The following NRXN1 variants were observed in gnomAD, a reference collection of about 807,000 sequenced individuals.
NRXN1 encodes the protein neurexin 1.
In NRXN1, 39 loss-of-function variants were observed where a neutral mutation model predicts 150.9. The observed-to-expected ratio is 0.26, with a 90% confidence interval of 0.20 to 0.34. The LOEUF (loss-of-function observed/expected upper bound fraction) is 0.34, where lower values mean the gene tolerates loss of function less well. Ranked by LOEUF, NRXN1 falls within the 10% of genes least tolerant of loss-of-function variation. The probability of loss-of-function intolerance (pLI) is 1.00; values close to 1 mark genes in which losing one functional copy is unlikely to be tolerated. For missense variants in NRXN1, 1,815 were observed against 1,949.9 expected, an observed-to-expected ratio of 0.93 and a Z score of 1.30; for synonymous variants, 924 against 757.0, an observed-to-expected ratio of 1.22 and a Z score of -3.62.
intron 5 of NRXN1, among the ~76,000 whole-genome samples, chr2:50,687,206 C>T (rs185185811): frequency 6.6e-6 from 1 of 152,106 alleles, no homozygotes; most frequent in African/African-American, 2.4e-5. Context: ...CCTCATTTAC[C>T]TAGGCATTTC....
chr2:50,252,151 G>C (rs1477792751), intron 17 of NRXN1, among the ~76,000 whole-genome samples: 1 of 129,246 alleles, frequency 7.7e-6, no homozygotes, highest in African/African-American at 2.8e-5. Context: ...TTCTTCTAGG[G>C]TTTTTACAGT....
intron 21 of NRXN1, among the ~76,000 whole-genome samples, chr2:49,988,639 A>T (rs1461234268): frequency 2.2e-5 from 3 of 134,614 alleles, no homozygotes; most frequent in African/African-American, 8.0e-5. Flanking sequence ...AAAAAAAAAA[A>T]GCCCTGAAGC....
At chr2:50,704,437 A>T (rs940871110) in intron 5 of NRXN1, among the ~76,000 whole-genome samples, 2 of 152,016 alleles carry the variant, frequency 1.3e-5, no homozygotes, top group Admixed American at 1.3e-4. Flanking sequence ...CTATTTCAAT[A>T]TGCTGCAGGA....
intron 5 of NRXN1, among the ~76,000 whole-genome samples, chr2:50,821,220 C>T (rs1414648470): frequency 6.6e-6 from 1 of 152,072 alleles, no homozygotes; most frequent in Non-Finnish European, 1.5e-5. Flanking sequence ...CCCATGCAGC[C>T]CAGGATGGTT....
intron 10 of NRXN1, among the ~76,000 whole-genome samples, chr2:50,534,801 T>C (rs922670298): frequency 6.6e-6 from 1 of 152,178 alleles, no homozygotes; most frequent in Non-Finnish European, 1.5e-5. Flanking sequence ...GAAATAATCA[T>C]ATTCTTCTGG....
intron 5 of NRXN1, among the ~76,000 whole-genome samples, chr2:50,685,150 T>C (rs971928626): frequency 1.3e-5 from 2 of 152,224 alleles, no homozygotes; most frequent in Non-Finnish European, 2.9e-5. Context: ...ATTATTTTTA[T>C]TATTATTTCA....
chr2:50,474,683 C>CAAAAAAAAA (rs754558377), intron 15 of NRXN1, among the ~76,000 whole-genome samples: 15 of 54,990 alleles, frequency 2.7e-4, no homozygotes, highest in African/African-American at 7.4e-4. Flanking sequence ...ACAGAAATAG[C>CAAAAAAAAA]AAAAAAAAAA....
chr2:49,948,984 C>T (rs188328402), intron 21 of NRXN1, among the ~76,000 whole-genome samples: 8 of 152,110 alleles, frequency 5.3e-5, no homozygotes, highest in African/African-American at 1.7e-4. Context: ...ACATCGTAAG[C>T]ATCTCTTCTT....
intron 5 of NRXN1, among the ~76,000 whole-genome samples, chr2:50,745,831 A>G (rs887523216): frequency 2.6e-5 from 4 of 152,134 alleles, no homozygotes; most frequent in Non-Finnish European, 4.4e-5. Context: ...CCATGATTCA[A>G]TTACATCCCA....
Position 50,083,532 on chromosome 2 carries a change from T to C in NRXN1, c.3718+7791A>G, listed in dbSNP as rs555872950. Among the ~76,000 whole-genome samples, 664 of 152,018 alleles carry C rather than the reference T, an allele frequency of 4.4e-3. 6 individuals are homozygous for C. Among genetic ancestry groups the C allele is most frequent in the Admixed American group, 7.7e-3 (117 of 15,272 alleles). ...TTAAAGGCAGTGTGGACCCAAAGAGTGAGCAGCAGCAAGATTTATTGCAAA... is the reference window on the plus strand; with the variant it reads ...TTAAAGGCAGTGTGGACCCAAAGAGCGAGCAGCAGCAAGATTTATTGCAAA... On this transcript the variant is annotated intron_variant, in intron 19 of 22. Coordinates refer to ENST00000401669, the MANE Select transcript of NRXN1 (RefSeq NM_001330078.2).
intron 15 of NRXN1, 59 bp downstream of exon 15, chr2:50,495,846 C>T: frequency 6.9e-7 from 1 of 1,439,966 alleles, no homozygotes; most frequent in Non-Finnish European, 9.3e-7. Context: ...AAAGGATTTT[C>T]CATGTGAAGG....
intron 5 of NRXN1, among the ~76,000 whole-genome samples, chr2:50,899,141 A>G (rs1682507055): frequency 6.6e-6 from 1 of 152,146 alleles, no homozygotes; most frequent in East Asian, 1.9e-4. Flanking sequence ...CGATATTCTG[A>G]AGCAATAGGT....
chr2:50,166,285 G>A (rs1189539694), intron 18 of NRXN1, among the ~76,000 whole-genome samples: 2 of 103,962 alleles, frequency 1.9e-5, no homozygotes, highest in African/African-American at 4.1e-5. Context: ...ACGTATGTGT[G>A]TGTGTGTGTG....
chr2:50,342,145 G>A lies in NRXN1; in HGVS notation c.3365-105175C>T, dbSNP rs182798541. 2.0e-5 allele frequency among the ~76,000 whole-genome samples: 3 copies of A among 152,240 alleles called. No homozygotes were observed. The East Asian group carries it at 5.8e-4, about 29-fold the overall frequency. ...ACACATGCTCATAGTAGGAATTTAT[G>A]ATATATTTAGTGAATAAATGAATGC... On this transcript the variant is annotated intron_variant, in intron 17 of 22. Transcript: ENST00000401669.
At chr2:50,722,712 A>G (rs1384390959) in intron 5 of NRXN1, among the ~76,000 whole-genome samples, 6 of 152,222 alleles carry the variant, frequency 3.9e-5, no homozygotes, top group Non-Finnish European at 1.5e-5. Context: ...CATTCAATAC[A>G]GTTTAAAACT....
chr2:50,724,762 G>T (rs1445652424), intron 5 of NRXN1, among the ~76,000 whole-genome samples: 1 of 151,610 alleles, frequency 6.6e-6, no homozygotes, highest in Non-Finnish European at 1.5e-5. Flanking sequence ...GAATACATAT[G>T]TGTGTGTGTG....
chr2:50,652,942 C>T (rs981052088), intron 5 of NRXN1, among the ~76,000 whole-genome samples: 4 of 152,010 alleles, frequency 2.6e-5, no homozygotes, highest in Middle Eastern at 6.3e-3. Context: ...TGATGTTGAG[C>T]CTCTATCATT....
chr2:50,453,791 A>T (rs1481558955), intron 17 of NRXN1, among the ~76,000 whole-genome samples: 1 of 152,176 alleles, frequency 6.6e-6, no homozygotes, highest in Non-Finnish European at 1.5e-5. Flanking sequence ...CACAGAAGTG[A>T]TATGCTACTA....
chr2:49,937,103 CCCTATCT>C (rs2104296318), intron 22 of NRXN1, among the ~76,000 whole-genome samples: 1 of 152,256 alleles, frequency 6.6e-6, no homozygotes, highest in African/African-American at 2.4e-5. Flanking sequence ...AAGATAGCGC[CCCTATCT>C]CCTAATTTCT....
Sources: gnomAD v4.1 joint callset for allele counts (sites outside exome capture counted in the v4.1 genomes callset) on GRCh38, gnomAD v4.1.1 for gene constraint, MANE v1.5 for transcripts, NCBI Gene and HGNC (gene_info 2026-07-23, HGNC 2026-07-21) for gene names.